RAB33B: variants seen among roughly 807,000 people sequenced by gnomAD.
RAB33B encodes RAB33B, member RAS oncogene family.
A neutral mutation model predicts 15.0 loss-of-function variants in RAB33B; 6 were observed. The observed-to-expected ratio is 0.40, with a 90% CI of 0.22 to 0.79. RAB33B has a LOEUF of 0.79. Ranked by LOEUF, RAB33B falls within the 30% of genes least tolerant of loss-of-function variation. The pLI is 0.37. For missense variants in RAB33B, 257 were observed against 296.4 expected, an observed-to-expected ratio of 0.87 and a Z score of 0.98; for synonymous variants, 117 against 108.3, an observed-to-expected ratio of 1.08 and a Z score of -0.50.
intron 1 of RAB33B, among the ~76,000 whole-genome samples, chr4:139,464,386 G>GT (rs372330119): frequency 0.21 from 20,818 of 99,972 alleles, 4,504 homozygotes; most frequent in East Asian, 0.3. Flanking sequence ...GAGGAATACT[G>GT]TTTTTTTTTT....
the RAB33B span, among the ~76,000 whole-genome samples, chr4:139,443,888 G>C: frequency 1.3e-5 from 2 of 152,146 alleles, no homozygotes; most frequent in Non-Finnish European, 2.9e-5. Flanking sequence ...CTCCCCTGAG[G>C]CAGCTGCCAG....
In RAB33B at chr4:139,454,121, G is replaced by T; in HGVS notation, c.-75G>T. ...AGCCGAACTGGCCGGCTGGGCGCGCGCTCTTGCGGTGGCGTAATCTCTCAG... is the reference window on the plus strand; with the variant it reads ...AGCCGAACTGGCCGGCTGGGCGCGCTCTCTTGCGGTGGCGTAATCTCTCAG... On this transcript the variant is annotated 5_prime_UTR_variant, in exon 1 of 2. Coordinates refer to ENST00000305626, the MANE Select transcript of RAB33B (RefSeq NM_031296.3). The T allele has an allele frequency of 1.3e-6, 2 of 1,496,606 alleles. No homozygotes were observed. The highest frequency in any genetic ancestry group is 2.7e-5 in the South Asian group (2 of 74,364). The allele number at this position is 1,496,606 out of a possible 1,614,324, so 92.7% of individuals were successfully genotyped here. A position where few individuals can be genotyped will look rare whatever the true frequency, so the allele number is the denominator to read the frequency against.
At chr4:139,446,588 A>C in the RAB33B span, among the ~76,000 whole-genome samples, 1 of 152,200 alleles carries the variant, frequency 6.6e-6, no homozygotes, top group Non-Finnish European at 1.5e-5. Flanking sequence ...AGTGGTCAAA[A>C]ACTGTGAAGA....
chr4:139,453,927 C>G, upstream of RAB33B: 2 of 323,142 alleles, frequency 6.2e-6, no homozygotes, highest in Middle Eastern at 8.3e-4. Flanking sequence ...GGTCCCACGC[C>G]TGCCTAGGTA....
chr4:139,460,324 A>T (rs1450771988), intron 1 of RAB33B, among the ~76,000 whole-genome samples: 1 of 152,244 alleles, frequency 6.6e-6, no homozygotes, highest in Non-Finnish European at 1.5e-5. Context: ...AGAAATAATT[A>T]TGCACATGAA....
upstream of RAB33B, chr4:139,452,511 A>T (rs1749949902): frequency 6.6e-6 from 1 of 152,244 alleles, no homozygotes; most frequent in Admixed American, 6.5e-5. Context: ...TGAATGGGAT[A>T]GGTAGAGCAG....
At position 139,474,181 on chromosome 4, in the gene RAB33B, G is replaced by A. The variant is rs1008337270; in HGVS notation, c.*1055G>A. 2 of 152,060 alleles carry A rather than the reference G, an allele frequency of 1.3e-5. No homozygotes were observed. Among genetic ancestry groups the A allele is most frequent in the African/African-American group, 4.8e-5 (2 of 41,398 alleles). 9.4% of individuals were successfully genotyped at this position (152,060 alleles called of 1,614,324 possible). On this transcript the variant is annotated 3_prime_UTR_variant, in exon 2 of 2. Transcript: ENST00000305626. ...GCTTCCCAAAGTGCTGGGATTACAG[G>A]TGTGAGTCACTGCACCCAGCCGAGT...
chr4:139,454,354 C>T lies in RAB33B; in HGVS notation c.159C>T (p.Phe53=). 6.2e-7 allele frequency: 1 copy of T among 1,614,070 alleles called. No individual in the cohort carries two copies. Among genetic ancestry groups the T allele is most frequent in the Non-Finnish European group, 8.5e-7 (1 of 1,180,018 alleles). ...GCAAGACATGCCTGACCTACCGCTT[C>T]TGCGCTGGCCGCTTCCCCGACCGCA... ...NVGKTCLTYR[F]CAGRFPDRTE... is the part of the protein sequence containing the mutation. The change falls in exon 1 of 2, where the codon TTC becomes TTT. Residue 53 remains phenylalanine (F), a synonymous_variant. Coordinates refer to ENST00000305626, the MANE Select transcript of RAB33B (RefSeq NM_031296.3).
chr4:139,466,013 A>G (rs1158078274), intron 1 of RAB33B, among the ~76,000 whole-genome samples: 1 of 152,002 alleles, frequency 6.6e-6, no homozygotes, highest in Admixed American at 6.6e-5. Context: ...TGGTAGAGAC[A>G]AGGTCTCTTT....
At chr4:139,446,787 G>C in the RAB33B span, among the ~76,000 whole-genome samples, 1 of 152,182 alleles carries the variant, frequency 6.6e-6, no homozygotes, top group Non-Finnish European at 1.5e-5. Context: ...ATGGGCTCGG[G>C]AACATGGACT....
chr4:139,454,227 C>T lies in RAB33B; in HGVS notation c.32C>T (p.Ala11Val). 1 of 1,613,920 alleles carries T rather than the reference C, an allele frequency of 6.2e-7. No homozygotes were observed. The highest frequency in any genetic ancestry group is 2.2e-5 in the East Asian group (1 of 44,874). MAEEMESSLE[A>V]SFSSSGAVSG... ...GAGGAGATGGAGTCGTCGCTCGAGG[C>T]AAGCTTTTCGTCCAGCGGGGCAGTG... is the stretch of plus-strand genomic sequence containing the variant. The change falls in exon 1 of 2, where the codon GCA becomes GTA. Residue 11 changes from alanine (A) to valine (V), a missense_variant. Physicochemically the swap from Ala to Val is moderately conservative, Grantham distance 64. Coordinates refer to ENST00000305626, the MANE Select transcript of RAB33B (RefSeq NM_031296.3).
chr4:139,454,534 G>T (rs954788812), intron 1 of RAB33B, 90 bp downstream of exon 1: 1 of 1,411,104 alleles, frequency 7.1e-7, no homozygotes, highest in Non-Finnish European at 9.5e-7. Context: ...CACGGTGTGT[G>T]TGCGCTCCAT....
chr4:139,454,102 A>C, upstream of RAB33B: 2 of 1,433,418 alleles, frequency 1.4e-6, no homozygotes, highest in Non-Finnish European at 9.3e-7. Flanking sequence ...GCGCAGCCGA[A>C]CTGGCCGGCT....
intron 1 of RAB33B, among the ~76,000 whole-genome samples, chr4:139,455,189 T>G (rs1287621355): frequency 6.6e-6 from 1 of 152,144 alleles, no homozygotes; most frequent in African/African-American, 2.4e-5. Flanking sequence ...CAGGGCAGGT[T>G]TGAAGTTCTG....
Position 139,473,098 on chromosome 4 carries a change from C to G in RAB33B, c.662C>G (p.Pro221Arg). 1 of 1,606,792 alleles carries G rather than the reference C, an allele frequency of 6.2e-7. No individual in the cohort carries two copies. The highest frequency in any genetic ancestry group is 1.1e-5 in the South Asian group (1 of 90,558). Residue 221 changes from proline (P) to arginine (R), a missense_variant, in exon 2 of 2, where the codon CCA becomes CGA. Pro to Arg is a moderately radical substitution (Grantham distance 103). Coordinates refer to ENST00000305626, the MANE Select transcript of RAB33B (RefSeq NM_031296.3). The stretch of plus-strand genomic sequence containing the variant: ...AATGGAATTATCCTGAAGCCTGAAC[C>G]AAAGCCTGCAATGACGTGCTGGTGC... ...PDNGIILKPE[P>R]KPAMTCWC
rs772457148 is a variant in RAB33B at position 139,454,358 on chromosome 4, G to T, written c.163G>T (p.Ala55Ser). 1.2e-6 allele frequency: 2 copies of T among 1,613,968 alleles called. No individual in the cohort carries two copies. The highest frequency in any genetic ancestry group is 1.7e-6 in the Non-Finnish European group (2 of 1,180,000). ...GACATGCCTGACCTACCGCTTCTGC[G>T]CTGGCCGCTTCCCCGACCGCACCGA... is the stretch of plus-strand genomic sequence containing the variant. The part of the protein sequence containing the change: ...GKTCLTYRFC[A>S]GRFPDRTEAT... The change falls in exon 1 of 2, where the codon GCT becomes TCT. Residue 55 changes from alanine to serine, a missense_variant. By Grantham distance (99) the Ala-to-Ser change is moderately conservative (BLOSUM62 1). Transcript: ENST00000305626.
At chr4:139,447,432 G>C in the RAB33B span, among the ~76,000 whole-genome samples, 1 of 152,074 alleles carries the variant, frequency 6.6e-6, no homozygotes, top group Non-Finnish European at 1.5e-5. Context: ...CAAAAGTTTT[G>C]CTTCCTGTTC....
At chr4:139,462,347 C>T (rs1443276759) in intron 1 of RAB33B, among the ~76,000 whole-genome samples, 1 of 152,128 alleles carries the variant, frequency 6.6e-6, no homozygotes, top group African/African-American at 2.4e-5. Context: ...GCCACCGCGC[C>T]CGGCCATGAC....
chr4:139,439,647 A>G, the RAB33B span, among the ~76,000 whole-genome samples: 40 of 152,278 alleles, frequency 2.6e-4, no homozygotes, highest in East Asian at 7.3e-3. Context: ...TTCTGTAGTT[A>G]TCACAATGTG....
Sources: allele counts gnomAD v4.1 joint callset (sites outside exome capture counted in the v4.1 genomes callset), GRCh38; gene constraint gnomAD v4.1.1; transcripts MANE v1.5; gene names NCBI Gene and HGNC (gene_info 2026-07-23, HGNC 2026-07-21).